The following GPHN variants were observed in gnomAD, a reference collection of about 807,000 sequenced individuals.
GPHN encodes the protein gephyrin.
In GPHN, 17 loss-of-function variants were observed where a neutral mutation model predicts 95.5. The observed-to-expected ratio is 0.18, with a 90% CI of 0.12 to 0.27. GPHN has a LOEUF of 0.27. GPHN is among the 10% of genes least tolerant of loss of function. The probability of loss-of-function intolerance (pLI) is 1.00; values close to 1 mark genes in which losing one functional copy is unlikely to be tolerated. For synonymous variants in GPHN, 320 were observed against 322.5 expected (o/e 0.99, Z 0.08); for missense variants, 660 against 978.1 (o/e 0.67, Z 4.34).
chr14:66,559,582 G>C (rs1037264128), intron 1 of GPHN, among the ~76,000 whole-genome samples: 8 of 151,694 alleles, frequency 5.3e-5, no homozygotes, highest in African/African-American at 1.9e-4. Flanking sequence ...TTTTTGATGT[G>C]GTTGTTTGTT....
chr14:67,675,026 TG>T, the GPHN span, among the ~76,000 whole-genome samples: 1 of 152,126 alleles, frequency 6.6e-6, no homozygotes, highest in Non-Finnish European at 1.5e-5. Flanking sequence ...CCCGATTTGA[TG>T]TATGTTTGCG....
chr14:67,041,396 T>G (rs949161667), intron 10 of GPHN, among the ~76,000 whole-genome samples: 2 of 149,436 alleles, frequency 1.3e-5, no homozygotes, highest in African/African-American at 4.9e-5. Flanking sequence ...GGCCCTGGTG[T>G]GTGATGTTCC....
chr14:66,582,122 C>A (rs997583350), intron 1 of GPHN, among the ~76,000 whole-genome samples: 8 of 151,910 alleles, frequency 5.3e-5, no homozygotes, highest in African/African-American at 1.9e-4. Flanking sequence ...CAGGATAGAT[C>A]GTAAGTCAGA....
chr14:67,199,196 A>G, the GPHN span: 2 of 1,606,544 alleles, frequency 1.2e-6, no homozygotes, highest in Non-Finnish European at 1.7e-6. Flanking sequence ...CCCACATGCC[A>G]AAGGATAGAG....
At chr14:67,716,027 C>G in the GPHN span, among the ~76,000 whole-genome samples, 1 of 152,024 alleles carries the variant, frequency 6.6e-6, no homozygotes, top group Admixed American at 6.5e-5. Context: ...AACCCCGTCT[C>G]TACTAAAAAT....
chr14:67,539,689 A>G, the GPHN span, among the ~76,000 whole-genome samples: 1 of 151,770 alleles, frequency 6.6e-6, no homozygotes, highest in African/African-American at 2.4e-5. Context: ...TTTTTTTTGG[A>G]TGGGTAAAGA....
chr14:66,534,730 T>G (rs1288609661), intron 1 of GPHN, among the ~76,000 whole-genome samples: 4 of 152,210 alleles, frequency 2.6e-5, no homozygotes, highest in African/African-American at 9.6e-5. Flanking sequence ...CTTTTTAATT[T>G]CAGTCATTCT....
chr14:66,675,727 T>A (rs542177875), intron 1 of GPHN, among the ~76,000 whole-genome samples: 4 of 152,212 alleles, frequency 2.6e-5, no homozygotes, highest in Non-Finnish European at 5.9e-5. Context: ...TTCTTGTAGT[T>A]ATTTTGTAAT....
At chr14:67,693,554 C>T in the GPHN span, among the ~76,000 whole-genome samples, 2 of 151,286 alleles carry the variant, frequency 1.3e-5, no homozygotes, top group Non-Finnish European at 2.9e-5. Flanking sequence ...CACATACACA[C>T]TTAAAACAAA....
At chr14:66,649,130 G>A (rs901785829) in intron 1 of GPHN, among the ~76,000 whole-genome samples, 2 of 152,144 alleles carry the variant, frequency 1.3e-5, no homozygotes, top group Non-Finnish European at 1.5e-5. Flanking sequence ...TCAGGAGTTC[G>A]AGACCAGCCT....
At chr14:66,763,561 G>T (rs987648692) in intron 2 of GPHN, among the ~76,000 whole-genome samples, 6 of 151,460 alleles carry the variant, frequency 4.0e-5, no homozygotes, top group African/African-American at 1.5e-4. Context: ...CCCTACAAAG[G>T]ACATGAACTC....
chr14:66,651,799 A>AT, intron 1 of GPHN, among the ~76,000 whole-genome samples: 1 of 151,994 alleles, frequency 6.6e-6, no homozygotes, highest in Admixed American at 6.6e-5. Flanking sequence ...GACTGAATAT[A>AT]AGCAACACAT....
chr14:66,891,764 T>TA (rs2064518469), intron 5 of GPHN, among the ~76,000 whole-genome samples: 10 of 139,430 alleles, frequency 7.2e-5, no homozygotes, highest in Admixed American at 2.1e-4. Flanking sequence ...ATATATATAT[T>TA]TTTTTTAATT....
chr14:67,586,120 C>T, the GPHN span: 124 of 1,612,650 alleles, frequency 7.7e-5, 1 homozygote, highest in East Asian at 1.0e-3. Flanking sequence ...GCTGTTAAAA[C>T]GTTCTACTCT....
At chr14:67,465,910 G>A in the GPHN span, among the ~76,000 whole-genome samples, 1 of 152,150 alleles carries the variant, frequency 6.6e-6, no homozygotes, top group Non-Finnish European at 1.5e-5. Flanking sequence ...GAGTGATGCT[G>A]CCACAAGCCT....
chr14:66,915,904 G>C lies in GPHN; in HGVS notation c.390-99G>C, dbSNP rs1226620786. 6.5e-6 allele frequency: 5 copies of C among 771,384 alleles called. 1 individual carries two copies. The South Asian group carries it at 7.0e-5, about 11-fold the overall frequency. 47.8% of individuals were successfully genotyped at this position (771,384 alleles called of 1,614,324 possible). ...TAACACTTTTATTCCTAAAACAGTT[G>C]TTCACATGTAAAGTAAAATGATTGT... On this transcript the variant is annotated intron_variant, in intron 5 of 22. Coordinates refer to ENST00000478722, the MANE Select transcript of GPHN (RefSeq NM_020806.5).
the GPHN span, among the ~76,000 whole-genome samples, chr14:67,427,069 T>TCGCG: frequency 1.3e-5 from 2 of 150,296 alleles, no homozygotes; most frequent in Non-Finnish European, 3.0e-5. Context: ...GTGTATTGTG[T>TCGCG]CGCGCGGGGG....
intron 3 of GPHN, among the ~76,000 whole-genome samples, chr14:66,776,953 T>C (rs2059402860): frequency 6.6e-6 from 1 of 152,114 alleles, no homozygotes; most frequent in African/African-American, 2.4e-5. Flanking sequence ...TAGTTACATA[T>C]GTATACATGT....
At chr14:67,324,555 TTTGA>T in the GPHN span, among the ~76,000 whole-genome samples, 1 of 152,032 alleles carries the variant, frequency 6.6e-6, no homozygotes, top group Admixed American at 6.5e-5. Flanking sequence ...ACTCCTTTCT[TTTGA>T]TTGTTTTTTT....
Sources: gnomAD v4.1 joint callset for allele counts (sites outside exome capture counted in the v4.1 genomes callset) on GRCh38, gnomAD v4.1.1 for gene constraint, MANE v1.5 for transcripts, NCBI Gene and HGNC (gene_info 2026-07-23, HGNC 2026-07-21) for gene names.